Variants in SEMA3A observed in about 807,000 individuals in gnomAD.
The protein encoded by SEMA3A is semaphorin 3A, also known as semaphorin-3A.
A neutral mutation model predicts 97.9 loss-of-function variants in SEMA3A; 29 were observed. That is an observed-to-expected ratio of 0.30 (90% confidence interval 0.22 to 0.40). The LOEUF (loss-of-function observed/expected upper bound fraction) is 0.40. SEMA3A is among the 10% of genes least tolerant of loss of function. The probability of loss-of-function intolerance (pLI) is 1.00; values close to 1 mark genes in which losing one functional copy is unlikely to be tolerated. For synonymous variants in SEMA3A, 321 were observed against 323.7 expected (o/e 0.99, Z 0.09); for missense variants, 763 against 951.3 (o/e 0.80, Z 2.60).
chr7:84,308,133 C>A (rs1198364350), intron 2 of SEMA3A, among the ~76,000 whole-genome samples: 2 of 151,872 alleles, frequency 1.3e-5, no homozygotes, highest in African/African-American at 4.8e-5. Flanking sequence ...GTATTTCTTT[C>A]CAATCTTTGT....
intron 4 of SEMA3A, among the ~76,000 whole-genome samples, chr7:84,078,850 A>C (rs1223747706): frequency 1.3e-5 from 2 of 152,062 alleles, no homozygotes; most frequent in Non-Finnish European, 2.9e-5. Context: ...GTCTAAATTA[A>C]GTGTTGAACT....
chr7:84,396,755 G>GT (rs1252179570), intron 1 of SEMA3A, among the ~76,000 whole-genome samples: 2 of 151,696 alleles, frequency 1.3e-5, no homozygotes, highest in African/African-American at 4.8e-5. Context: ...GAAAAATAAT[G>GT]TTTTTTTCTA....
rs190486709 is a variant in SEMA3A, at chr7:84,484,405, T to A, written c.-246+8055A>T. Among the ~76,000 whole-genome samples, 506 of 152,248 alleles carry A rather than the reference T, an allele frequency of 3.3e-3. 3 individuals carry two copies. The highest frequency in any genetic ancestry group is 5.8e-3 in the Non-Finnish European group (391 of 67,996). ...AAATTTGTAATAAGAGCTTTTTTTT[T>A]AAATTATAGAGTATAGCTATTTAAA... is the stretch of plus-strand genomic sequence containing the variant. On this transcript the variant is annotated intron_variant, in intron 1 of 3. Transcript: ENST00000424555.
At chr7:84,435,244 G>A (rs1805093935) in intron 1 of SEMA3A, among the ~76,000 whole-genome samples, 1 of 147,968 alleles carries the variant, frequency 6.8e-6, no homozygotes, top group Admixed American at 6.8e-5. Context: ...GTGATCCCAT[G>A]TACAACAGCT....
chr7:84,021,423 G>A (rs115840138), intron 6 of SEMA3A, among the ~76,000 whole-genome samples: 7,154 of 152,176 alleles, frequency 0.047, 189 homozygotes, highest in Middle Eastern at 0.088. Context: ...TTTCCAGTAA[G>A]ATTATTTTTA....
intron 1 of SEMA3A, among the ~76,000 whole-genome samples, chr7:84,484,766 C>T (rs565004347): frequency 9.2e-5 from 14 of 152,044 alleles, no homozygotes; most frequent in East Asian, 1.9e-4. Context: ...AATATGATGG[C>T]AATACTGATG....
intron 3 of SEMA3A, among the ~76,000 whole-genome samples, chr7:84,261,082 A>G (rs1799847048): frequency 6.6e-6 from 1 of 152,158 alleles, no homozygotes; most frequent in African/African-American, 2.4e-5. Context: ...TGTGAGAAGG[A>G]GATACCCAAT....
intron 6 of SEMA3A, among the ~76,000 whole-genome samples, chr7:84,027,182 A>C (rs1462501068): frequency 2.6e-5 from 4 of 152,174 alleles, no homozygotes; most frequent in African/African-American, 9.7e-5. Context: ...TTTAAAAGAC[A>C]TGCAATGTCT....
intron 6 of SEMA3A, among the ~76,000 whole-genome samples, chr7:84,045,641 C>G (rs1263000870): frequency 6.6e-6 from 1 of 151,386 alleles, no homozygotes; most frequent in Non-Finnish European, 1.5e-5. Context: ...AAATTATTTT[C>G]TATACTAAAA....
At chr7:84,255,717 T>C (rs13222313) in intron 3 of SEMA3A, among the ~76,000 whole-genome samples, 8,681 of 152,052 alleles carry the variant, frequency 0.057, 285 homozygotes, top group African/African-American at 0.095. Context: ...TGAGAGCTGA[T>C]TGGTAATGAG....
At chr7:84,441,083 G>A (rs1041466224) in intron 1 of SEMA3A, among the ~76,000 whole-genome samples, 2 of 152,096 alleles carry the variant, frequency 1.3e-5, no homozygotes, top group East Asian at 1.9e-4. Flanking sequence ...ACTTGAACCC[G>A]GGAGGTGGAG....
intron 1 of SEMA3A, among the ~76,000 whole-genome samples, chr7:84,450,548 C>T (rs1167286075): frequency 5.3e-5 from 8 of 152,186 alleles, no homozygotes; most frequent in African/African-American, 1.7e-4. Context: ...GACAAGACTC[C>T]ATCCATTCTG....
At chr7:84,378,849 G>C (rs1803176548) in intron 1 of SEMA3A, among the ~76,000 whole-genome samples, 1 of 151,458 alleles carries the variant, frequency 6.6e-6, no homozygotes, top group Non-Finnish European at 1.5e-5. Flanking sequence ...GTTTTTTTCT[G>C]ATCAATAGGA....
chr7:84,092,346 G>A (rs918161066), intron 4 of SEMA3A, among the ~76,000 whole-genome samples: 5 of 152,078 alleles, frequency 3.3e-5, no homozygotes, highest in South Asian at 2.1e-4. Context: ...TTGAATGTCC[G>A]TGTGTACATA....
chr7:84,050,535 C>T (rs1044912889), intron 5 of SEMA3A, among the ~76,000 whole-genome samples: 2 of 152,132 alleles, frequency 1.3e-5, no homozygotes, highest in Non-Finnish European at 1.5e-5. Context: ...TCATGTCCTT[C>T]ACCCACTTTT....
At chr7:84,132,564 T>C (rs7794876) in intron 2 of SEMA3A, among the ~76,000 whole-genome samples, 32,595 of 151,636 alleles carry the variant, frequency 0.21, 3,589 homozygotes, top group South Asian at 0.27. Flanking sequence ...TATACATATA[T>C]GAATATCACA....
chr7:84,299,387 C>G (rs934974875), intron 3 of SEMA3A, among the ~76,000 whole-genome samples: 1 of 145,214 alleles, frequency 6.9e-6, no homozygotes, highest in Non-Finnish European at 1.5e-5. Flanking sequence ...TATATATATA[C>G]ACACATCTCC....
chr7:83,970,811 C>T (rs1371493966), intron 15 of SEMA3A, among the ~76,000 whole-genome samples: 2 of 152,102 alleles, frequency 1.3e-5, no homozygotes, highest in Non-Finnish European at 2.9e-5. Context: ...CAATAATACT[C>T]AGTGTCAAAG....
chr7:84,181,730 A>G (rs1322396566), intron 1 of SEMA3A, among the ~76,000 whole-genome samples: 1 of 152,164 alleles, frequency 6.6e-6, no homozygotes, highest in Non-Finnish European at 1.5e-5. Flanking sequence ...TGATGTGGTT[A>G]TAATTTATAA....
Sources: allele counts gnomAD v4.1 joint callset (sites outside exome capture counted in the v4.1 genomes callset), GRCh38; gene constraint gnomAD v4.1.1; transcripts MANE v1.5; gene names NCBI Gene and HGNC (gene_info 2026-07-23, HGNC 2026-07-21).